CFAP44: variants seen among roughly 807,000 people sequenced by gnomAD.
CFAP44 encodes the protein cilia- and flagella-associated protein 44.
A neutral mutation model predicts 216.2 loss-of-function variants in CFAP44; 134 were observed. The ratio of observed to expected loss-of-function variants is 0.62; its 90% CI spans 0.54 to 0.72. CFAP44 has a LOEUF of 0.72. Among genes scored for constraint, CFAP44 ranks in the 30% least tolerant of loss-of-function variants. The pLI, the probability that CFAP44 is intolerant of heterozygous loss-of-function variation, is 0.00. For missense variants in CFAP44, 2,035 were observed against 2,182.1 expected, an observed-to-expected ratio of 0.93 and a Z score of 1.34; for synonymous variants, 700 against 727.6, an observed-to-expected ratio of 0.96 and a Z score of 0.61.
intron 23 of CFAP44, among the ~76,000 whole-genome samples, 171 bp from the exon 24 acceptor site, chr3:113,342,089 T>C (rs971045599): frequency 5.9e-5 from 9 of 152,170 alleles, no homozygotes; most frequent in Non-Finnish European, 1.3e-4. Context: ...TCCCAGCACT[T>C]TGGGAGGCTG....
chr3:113,298,469 A>G (rs968286801), intron 32 of CFAP44, among the ~76,000 whole-genome samples: 1 of 152,226 alleles, frequency 6.6e-6, no homozygotes, highest in African/African-American at 2.4e-5. Flanking sequence ...GTCCAGCCAT[A>G]TATCCCAATT....
rs560235840 is a variant in CFAP44, at chr3:113,379,295, T to C, written c.2298+11A>G. ...TATGATTGAGGTAAAAATTATTACA[T>C]TGTTACTTACCAAAGAAACCCAGAA... On this transcript the variant is annotated intron_variant, in intron 17 of 34. Transcript: ENST00000393845. 2.6e-6 allele frequency: 4 copies of C among 1,530,552 alleles called. No homozygotes were observed. The highest frequency in any genetic ancestry group is 4.6e-5 in the East Asian group (2 of 43,956). 94.8% of individuals were successfully genotyped at this position (1,530,552 alleles called of 1,614,324 possible). A position where few individuals can be genotyped will look rare whatever the true frequency, so the allele number is the denominator to read the frequency against.
chr3:113,336,003 A>C (rs1254501192), intron 24 of CFAP44, among the ~76,000 whole-genome samples: 1 of 152,216 alleles, frequency 6.6e-6, no homozygotes, highest in Non-Finnish European at 1.5e-5. Context: ...GGATATTAGA[A>C]ATACTTTGGA....
intron 28 of CFAP44, among the ~76,000 whole-genome samples, chr3:113,322,137 C>T (rs1052513378): frequency 6.6e-6 from 1 of 152,116 alleles, no homozygotes; most frequent in African/African-American, 2.4e-5. Context: ...CTGTAGTAAC[C>T]AAAACAGCAC....
intron 13 of CFAP44, 97 bp downstream of exon 13, chr3:113,399,809 A>C (rs1934093371): frequency 1.3e-6 from 1 of 770,600 alleles, no homozygotes; most frequent in Non-Finnish European, 1.9e-6. Context: ...TATTCCTTAA[A>C]ATTTTGAGTC....
intron 7 of CFAP44, among the ~76,000 whole-genome samples, chr3:113,408,671 C>T (rs576379798): frequency 2.0e-5 from 3 of 152,124 alleles, no homozygotes; most frequent in African/African-American, 7.2e-5. Context: ...TCGAGACCAG[C>T]CTGACCAACA....
At chr3:113,431,060 C>G (rs1231590324) in intron 2 of CFAP44, among the ~76,000 whole-genome samples, 2 of 151,926 alleles carry the variant, frequency 1.3e-5, no homozygotes, top group African/African-American at 2.4e-5. Context: ...AATACAAGGA[C>G]TTTTATTCAT....
In CFAP44 at chr3:113,326,499, C is replaced by T; in HGVS notation, c.4462G>A (p.Val1488Ile). 2.0e-6 allele frequency: 3 copies of T among 1,529,944 alleles called. No homozygotes were observed. The highest frequency in any genetic ancestry group is 2.6e-6 in the Non-Finnish European group (3 of 1,144,430). The allele number at this position is 1,529,944 out of a possible 1,614,324, so 94.8% of individuals were successfully genotyped here. Residue 1488 changes from valine to isoleucine, a missense_variant, in exon 28 of 35, where the codon GTC becomes ATC. By Grantham distance (29) the Val-to-Ile change is conservative. Transcript: ENST00000393845. ...ACCCGTTTAATCTTCTTCTTTAGGACCTTCATGAGGAAGTTTGCAAATTTA... is the reference window on the plus strand; with the variant it reads ...ACCCGTTTAATCTTCTTCTTTAGGATCTTCATGAGGAAGTTTGCAAATTTA... ...NNKFANFLMK[V>I]LKKKIKRVKK... is the part of the protein sequence containing the mutation.
chr3:113,376,260 T>C (rs772324384), intron 17 of CFAP44, among the ~76,000 whole-genome samples: 1 of 152,212 alleles, frequency 6.6e-6, no homozygotes, highest in Non-Finnish European at 1.5e-5. Context: ...AGCAGGTTTG[T>C]ATGGGACATG....
At chr3:113,339,253 A>G (rs940387530) in intron 24 of CFAP44, among the ~76,000 whole-genome samples, 1 of 152,172 alleles carries the variant, frequency 6.6e-6, no homozygotes, top group Non-Finnish European at 1.5e-5. Context: ...AAACAGTCCC[A>G]GTGGTTCAGG....
rs1458915234 is a variant in CFAP44, at chr3:113,330,671, GA to G, written c.3616-4del. The G allele has an allele frequency of 6.6e-7, 1 of 1,520,062 alleles. No individual in the cohort carries two copies. The highest frequency in any genetic ancestry group is 8.8e-7 in the Non-Finnish European group (1 of 1,141,004). 94.2% of individuals were successfully genotyped at this position (1,520,062 alleles called of 1,614,324 possible). ...ATGTGCCTTTTATTTCCATGGACCT[GA>G]AAAAAAGAAGAGGAAGGAAACAACA... On this transcript the variant is annotated splice_region_variant and splice_polypyrimidine_tract_variant and intron_variant, in intron 25 of 34. Coordinates refer to ENST00000393845, the MANE Select transcript of CFAP44 (RefSeq NM_001164496.2).
chr3:113,395,794 T>C lies in CFAP44; in HGVS notation c.1846A>G (p.Thr616Ala). The C allele has an allele frequency of 1.2e-6, 2 of 1,613,582 alleles. No homozygotes were observed. The highest frequency in any genetic ancestry group is 4.5e-5 in the East Asian group (2 of 44,832). The stretch of plus-strand genomic sequence containing the variant: ...ATTAACTGACACACAGGTCCAGGAG[T>C]ATTAATATAACCAATCGGCTTATAA... ...RDYKPIGYIN[T>A]PGPVCQLMWS... Residue 616 changes from threonine to alanine, a missense_variant, in exon 15 of 35, where the codon ACT becomes GCT. Transcript: ENST00000393845.
chr3:113,438,365 A>G (rs778040144), intron 1 of CFAP44, among the ~76,000 whole-genome samples: 30 of 152,212 alleles, frequency 2.0e-4, no homozygotes, highest in Admixed American at 3.3e-4. Context: ...TACTGGCTAC[A>G]GTCAGTCTGA....
In CFAP44 at chr3:113,289,837, G is replaced by T. The variant is rs1235586079; in HGVS notation, c.*1720C>A. 1 of 152,286 alleles carries T rather than the reference G, an allele frequency of 6.6e-6. No individual in the cohort carries two copies. Among genetic ancestry groups the T allele is most frequent in the East Asian group, 1.9e-4 (1 of 5,182 alleles). 9.4% of individuals were successfully genotyped at this position (152,286 alleles called of 1,614,324 possible). A position where few individuals can be genotyped will look rare whatever the true frequency, so the allele number is the denominator to read the frequency against. On this transcript the variant is annotated 3_prime_UTR_variant, in exon 35 of 35. Coordinates refer to ENST00000393845, the MANE Select transcript of CFAP44 (RefSeq NM_001164496.2). ...GAAGTCATATCCCAAGCGGCCCTAT[G>T]GAGAGGCCCACATGGCGAGGAACTG...
intron 22 of CFAP44, among the ~76,000 whole-genome samples, chr3:113,347,623 G>T (rs1025420706): frequency 2.0e-5 from 3 of 152,152 alleles, no homozygotes; most frequent in Admixed American, 6.5e-5. Context: ...CCCATTGGGT[G>T]GGGAGACCAA....
intron 22 of CFAP44, among the ~76,000 whole-genome samples, chr3:113,354,438 G>A (rs927957600): frequency 3.9e-5 from 6 of 152,200 alleles, no homozygotes; most frequent in Non-Finnish European, 7.4e-5. Flanking sequence ...TAGACTTAGT[G>A]CTGTTGGGAG....
chr3:113,350,403 A>G (rs1350143764), intron 22 of CFAP44, among the ~76,000 whole-genome samples: 1 of 152,200 alleles, frequency 6.6e-6, no homozygotes, highest in African/African-American at 2.4e-5. Context: ...AGGAAGAGAC[A>G]GACAAAGAGG....
chr3:113,400,801 G>T (rs1934120880), intron 11 of CFAP44, 157 bp from the exon 12 acceptor site: 1 of 670,118 alleles, frequency 1.5e-6, no homozygotes, highest in Non-Finnish European at 2.5e-6. Flanking sequence ...CACTGGTTCA[G>T]AATTAGGAGA....
In CFAP44 at chr3:113,425,882, T is replaced by C. The variant is rs186712356; in HGVS notation, c.407+242A>G. The C allele has an allele frequency of 7.9e-4, 333 of 421,950 alleles. 3 individuals are homozygous for C. The East Asian group carries it at 0.011, about 14-fold the overall frequency. The allele number at this position is 421,950 out of a possible 1,614,324, so 26.1% of individuals were successfully genotyped here. A position where few individuals can be genotyped will look rare whatever the true frequency, so the allele number is the denominator to read the frequency against. ...ACATTTTTTTATAAAGGGAAGGTAG[T>C]AAATAGTTTTTGCCTTGTGAGCCAG... On this transcript the variant is annotated intron_variant, in intron 4 of 34. Transcript: ENST00000393845.
Sources: gnomAD v4.1 joint callset for allele counts (sites outside exome capture counted in the v4.1 genomes callset) on GRCh38, gnomAD v4.1.1 for gene constraint, MANE v1.5 for transcripts, NCBI Gene and HGNC (gene_info 2026-07-23, HGNC 2026-07-21) for gene names.